The following WDR5 variants were observed in gnomAD, a reference collection of about 807,000 sequenced individuals.
WDR5 encodes the protein WD repeat-containing protein 5.
For missense variants in WDR5, 187 were observed against 416.9 expected, an observed-to-expected ratio of 0.45 and a Z score of 4.80; for synonymous variants, 144 against 161.6, an observed-to-expected ratio of 0.89 and a Z score of 0.83.
Position 134,157,488 on chromosome 9 carries a change from G to T in WDR5, c.905-405G>T, listed in dbSNP as rs554327933. Among the ~76,000 whole-genome samples the T allele has an allele frequency of 1.9e-4, 29 of 152,260 alleles. No homozygotes were observed. Among genetic ancestry groups the T allele is most frequent in the African/African-American group, 6.5e-4 (27 of 41,552 alleles). ...CGGCTCAGGGTCCGAGGAGAAGAGG[G>T]ACATTGTCGATAAAGGACTGAGGAC... On this transcript the variant is annotated intron_variant, in intron 13 of 13. Coordinates refer to ENST00000358625, the MANE Select transcript of WDR5 (RefSeq NM_017588.3). The surrounding 1 kb of genome is among the most constrained non-coding windows in gnomAD (Gnocchi z 5.0).
intron 7 of WDR5, among the ~76,000 whole-genome samples, chr9:134,146,353 G>GC (rs1408258653): frequency 6.6e-6 from 1 of 151,916 alleles, no homozygotes; most frequent in Non-Finnish European, 1.5e-5. Flanking sequence ...TCCTGCCTCA[G>GC]CCCCCCAAGT....
In WDR5 at chr9:134,143,584, T is replaced by C. The variant is rs978367792; in HGVS notation, c.528+865T>C. Reference sequence around the variant, plus strand: ...CTCTGTTGCCCAGGCTGGAGTGCAGTGTTGCGATCTCGGCTCACTGCAAGC... The same window carrying C: ...CTCTGTTGCCCAGGCTGGAGTGCAGCGTTGCGATCTCGGCTCACTGCAAGC... On this transcript the variant is annotated intron_variant, in intron 7 of 13. Transcript: ENST00000358625. Among the ~76,000 whole-genome samples, 13 of 149,240 alleles carry C rather than the reference T, an allele frequency of 8.7e-5. 1 individual carries two copies. The highest frequency in any genetic ancestry group is 4.0e-4 in the Admixed American group (6 of 15,062).
At chr9:134,140,638 T>C (rs1831836401) in intron 2 of WDR5, 65 bp from the exon 3 acceptor site, 1 of 1,396,192 alleles carries the variant, frequency 7.2e-7, no homozygotes, top group African/African-American at 1.4e-5. Flanking sequence ...GGAGTCAAAA[T>C]CCAAACTGGT....
intron 7 of WDR5, among the ~76,000 whole-genome samples, chr9:134,145,096 G>GTTTTTTCT (rs1316019740): frequency 1.9e-5 from 2 of 104,664 alleles, no homozygotes; most frequent in African/African-American, 6.9e-5. Flanking sequence ...GTGGGGCTTT[G>GTTTTTTCT]TTTTTTTTTT....
At chr9:134,156,106 C>T (rs143741028) in intron 12 of WDR5, among the ~76,000 whole-genome samples, 294 of 152,332 alleles carry the variant, frequency 1.9e-3, no homozygotes, top group African/African-American at 6.7e-3. Flanking sequence ...TCCACCGGCC[C>T]CAGCAGGGAG....
At chr9:134,137,847 A>G (rs1831658596) in intron 1 of WDR5, among the ~76,000 whole-genome samples, 1 of 151,912 alleles carries the variant, frequency 6.6e-6, no homozygotes, top group African/African-American at 2.4e-5. Flanking sequence ...GTTTCAAGTG[A>G]TTCTCCTGCC....
In WDR5 at chr9:134,157,927, A is replaced by G; in HGVS notation, c.939A>G (p.Glu313=). The change falls in exon 14 of 14, where the codon GAA becomes GAG. Residue 313 remains glutamate, a synonymous_variant. Coordinates refer to ENST00000358625, the MANE Select transcript of WDR5 (RefSeq NM_017588.3). The surrounding 1 kb of genome is among the most constrained non-coding windows in gnomAD (Gnocchi z 5.0). The part of the protein sequence containing the change: ...VVISTACHPT[E]NIIASAALEN... ...TCTCAACAGCTTGTCACCCAACAGA[A>G]AACATCATCGCCTCTGCTGCGCTAG... is the stretch of plus-strand genomic sequence containing the variant. The G allele has an allele frequency of 6.2e-7, 1 of 1,614,156 alleles. No homozygotes were observed. The highest frequency in any genetic ancestry group is 8.5e-7 in the Non-Finnish European group (1 of 1,180,000).
In WDR5 at chr9:134,142,386, C is replaced by T; in HGVS notation, c.408C>T (p.Asn136=). The change falls in exon 6 of 14, where the codon AAC becomes AAT. Residue 136 remains asparagine (N), a synonymous_variant. Coordinates refer to ENST00000358625, the MANE Select transcript of WDR5 (RefSeq NM_017588.3). ...ACAGTAATTATGTCTTTTGCTGCAA[C>T]TTCAATCCCCAGTCCAACCTTATTG... ...KGHSNYVFCC[N]FNPQSNLIVS... 6.2e-7 allele frequency: 1 copy of T among 1,614,196 alleles called. No homozygotes were observed. Among genetic ancestry groups the T allele is most frequent in the South Asian group, 1.1e-5 (1 of 91,084 alleles).
intron 12 of WDR5, among the ~76,000 whole-genome samples, chr9:134,156,145 T>C (rs1168729835): frequency 6.6e-6 from 1 of 152,262 alleles, no homozygotes; most frequent in Non-Finnish European, 1.5e-5. Flanking sequence ...CCACCCACAC[T>C]GGTCTCGATG....
intron 11 of WDR5, among the ~76,000 whole-genome samples, 157 bp from the exon 12 acceptor site, chr9:134,155,536 G>A (rs1182533836): frequency 6.6e-6 from 1 of 152,200 alleles, no homozygotes; most frequent in Non-Finnish European, 1.5e-5. Context: ...TTGTAGGGTG[G>A]CAGTCTGCAA....
At chr9:134,148,417 C>A in intron 8 of WDR5, 74 bp downstream of exon 8, 2 of 1,341,620 alleles carry the variant, frequency 1.5e-6, no homozygotes, top group Non-Finnish European at 2.1e-6. Flanking sequence ...GTTCCTGCAT[C>A]TGGGGGTACA....
intron 7 of WDR5, among the ~76,000 whole-genome samples, chr9:134,145,438 A>G (rs1161767246): frequency 1.3e-5 from 2 of 151,984 alleles, no homozygotes; most frequent in East Asian, 3.9e-4. Context: ...ATGCCCTTGG[A>G]TTGCTGGTGT....
At chr9:134,150,678 A>G (rs1273874176) in intron 8 of WDR5, among the ~76,000 whole-genome samples, 1 of 152,228 alleles carries the variant, frequency 6.6e-6, no homozygotes, top group Non-Finnish European at 1.5e-5. Flanking sequence ...ATACCCATTT[A>G]ACCCTGTGAC....
intron 7 of WDR5, among the ~76,000 whole-genome samples, chr9:134,146,739 T>C (rs2132551575): frequency 6.6e-6 from 1 of 152,352 alleles, no homozygotes; most frequent in East Asian, 1.9e-4. Context: ...GGACTTGTTT[T>C]GTCTTGTTAC....
chr9:134,153,046 C>A (rs1221488069), intron 9 of WDR5, among the ~76,000 whole-genome samples: 1 of 152,198 alleles, frequency 6.6e-6, no homozygotes, highest in African/African-American at 2.4e-5. Flanking sequence ...CAGCATGAGT[C>A]CCCTTGCCAC....
intron 8 of WDR5, among the ~76,000 whole-genome samples, chr9:134,149,834 C>T (rs996273464): frequency 1.3e-5 from 2 of 152,166 alleles, no homozygotes; most frequent in Non-Finnish European, 2.9e-5. Context: ...CGGGAGGAAG[C>T]GGGAGTCAGA....
rs1273629700 is a variant in WDR5, at chr9:134,136,184, C to A, written c.-75C>A. On this transcript the variant is annotated 5_prime_UTR_variant, in exon 1 of 14. Transcript: ENST00000358625. The stretch of plus-strand genomic sequence containing the variant: ...GCGACGCCCCGAGCGCCCGGCCCCG[C>A]CGCCGCGGCCCGGCAGGTAAGCGGG... The A allele has an allele frequency of 6.8e-6, 1 of 147,712 alleles. No individual in the cohort carries two copies. The highest frequency in any genetic ancestry group is 2.4e-5 in the African/African-American group (1 of 41,008). The allele number at this position is 147,712 out of a possible 1,614,324, so 9.2% of individuals were successfully genotyped here. A position where few individuals can be genotyped will look rare whatever the true frequency, so the allele number is the denominator to read the frequency against.
At chr9:134,149,910 G>A (rs956207973) in intron 8 of WDR5, among the ~76,000 whole-genome samples, 1 of 152,186 alleles carries the variant, frequency 6.6e-6, no homozygotes, top group Admixed American at 6.5e-5. Context: ...TCCTAAAGGG[G>A]CCCTGGGTAT....
rs1333153139 is a variant in WDR5 at position 134,157,889 on chromosome 9, T to G, written c.905-4T>G. ...TCTGGTTCTGACTGTGTCTTTGTTT[T>G]CAGATGTCGTGATCTCAACAGCTTG... On this transcript the variant is annotated splice_region_variant and splice_polypyrimidine_tract_variant and intron_variant, in intron 13 of 13. Coordinates refer to ENST00000358625, the MANE Select transcript of WDR5 (RefSeq NM_017588.3). The surrounding 1 kb of genome is among the most constrained non-coding windows in gnomAD (Gnocchi z 5.0). 1 of 1,613,948 alleles carries G rather than the reference T, an allele frequency of 6.2e-7. No homozygotes were observed. The highest frequency in any genetic ancestry group is 1.7e-5 in the Admixed American group (1 of 60,002).
Sources: gnomAD v4.1 joint callset for allele counts (sites outside exome capture counted in the v4.1 genomes callset) on GRCh38, gnomAD v4.1.1 for gene constraint, Gnocchi (gnomAD v3.1) non-coding constraint, MANE v1.5 for transcripts, NCBI Gene and HGNC (gene_info 2026-07-23, HGNC 2026-07-21) for gene names.